Variants in VKORC1L1 observed in about 807,000 individuals in gnomAD.
VKORC1L1 encodes vitamin K epoxide reductase complex subunit 1L1.
VKORC1L1 carries 2 observed loss-of-function variants against 18.9 expected under a neutral mutation model. That is an observed-to-expected ratio of 0.11 (90% CI 0.04 to 0.33). The LOEUF (loss-of-function observed/expected upper bound fraction) is 0.33, where lower values mean the gene tolerates loss of function less well. Among genes scored for constraint, VKORC1L1 ranks in the 10% least tolerant of loss-of-function variants. The pLI is 1.00. For synonymous variants in VKORC1L1, 96 were observed against 100.0 expected, an observed-to-expected ratio of 0.96 and a Z score of 0.24; for missense variants, 123 against 224.1, an observed-to-expected ratio of 0.55 and a Z score of 2.88.
intron 1 of VKORC1L1, among the ~76,000 whole-genome samples, chr7:65,944,988 C>T (rs1790094576): frequency 6.6e-6 from 1 of 151,660 alleles, no homozygotes; most frequent in African/African-American, 2.4e-5. Flanking sequence ...GGGCTGGGTG[C>T]GGTGGCTGAT....
intron 1 of VKORC1L1, among the ~76,000 whole-genome samples, chr7:65,881,433 A>G (rs923817982): frequency 5.3e-5 from 8 of 152,316 alleles, no homozygotes; most frequent in African/African-American, 1.9e-4. Flanking sequence ...ATGTAACATT[A>G]TTGAAATAAC....
chr7:65,883,298 T>C (rs1788958976), intron 1 of VKORC1L1, among the ~76,000 whole-genome samples: 1 of 151,280 alleles, frequency 6.6e-6, no homozygotes, highest in African/African-American at 2.4e-5. Flanking sequence ...TGTGCCACCA[T>C]GCCTGGCTGA....
intron 1 of VKORC1L1, among the ~76,000 whole-genome samples, chr7:65,910,049 A>G (rs1789478102): frequency 6.6e-6 from 1 of 152,068 alleles, no homozygotes; most frequent in South Asian, 2.1e-4. Flanking sequence ...CTGTTGTTAA[A>G]AAGCCTGTTG....
Position 65,958,149 on chromosome 7 carries a change from T to C in VKORC1L1, c.*3849T>C, listed in dbSNP as rs1311426196. 1.3e-5 allele frequency: 2 copies of C among 152,226 alleles called. No individual in the cohort carries two copies. The highest frequency in any genetic ancestry group is 1.9e-4 in the East Asian group (1 of 5,194). 9.4% of individuals were successfully genotyped at this position (152,226 alleles called of 1,614,324 possible). A position where few individuals can be genotyped will look rare whatever the true frequency, so the allele number is the denominator to read the frequency against. ...CTCAGGCAGCACTTATGGTTTCTAA[T>C]TGTGAGAACTACCCTTCCATCAAAC... On this transcript the variant is annotated 3_prime_UTR_variant, in exon 3 of 3. Transcript: ENST00000360768.
At chr7:65,900,944 G>A (rs1359766927) in intron 1 of VKORC1L1, among the ~76,000 whole-genome samples, 1 of 152,192 alleles carries the variant, frequency 6.6e-6, no homozygotes, top group Non-Finnish European at 1.5e-5. Flanking sequence ...TGCAAAAGAG[G>A]TTATGAATGA....
At chr7:65,911,816 G>A (rs1466354566) in intron 1 of VKORC1L1, among the ~76,000 whole-genome samples, 1 of 152,150 alleles carries the variant, frequency 6.6e-6, no homozygotes, top group Non-Finnish European at 1.5e-5. Flanking sequence ...GACCAGCACT[G>A]GTTTGTGGTT....
chr7:65,894,023 C>T (rs889721812), intron 1 of VKORC1L1, among the ~76,000 whole-genome samples: 7 of 151,754 alleles, frequency 4.6e-5, no homozygotes, highest in East Asian at 1.9e-4. Context: ...GGTGCGATCT[C>T]GGCTCACTGC....
At chr7:65,945,595 CG>C (rs1354786254) in intron 1 of VKORC1L1, among the ~76,000 whole-genome samples, 1 of 150,620 alleles carries the variant, frequency 6.6e-6, no homozygotes, top group African/African-American at 2.5e-5. Flanking sequence ...CTGGGCGACA[CG>C]AATGAGACTC....
intron 1 of VKORC1L1, among the ~76,000 whole-genome samples, chr7:65,940,591 G>A (rs1220383083): frequency 6.6e-6 from 1 of 152,144 alleles, no homozygotes; most frequent in African/African-American, 2.4e-5. Flanking sequence ...TAGCCAGCCT[G>A]ACATGTCATC....
intron 1 of VKORC1L1, among the ~76,000 whole-genome samples, chr7:65,894,714 C>T (rs1475591149): frequency 2.6e-5 from 4 of 151,748 alleles, no homozygotes; most frequent in Admixed American, 1.3e-4. Context: ...GGCGACAGAG[C>T]GAGACTCCGT....
At chr7:65,892,269 G>A (rs747458178) in intron 1 of VKORC1L1, among the ~76,000 whole-genome samples, 24 of 151,810 alleles carry the variant, frequency 1.6e-4, no homozygotes, top group Admixed American at 1.3e-4. Context: ...AAATCTCTTC[G>A]ATACACCAAT....
At chr7:65,938,635 C>T (rs1789985563) in intron 1 of VKORC1L1, among the ~76,000 whole-genome samples, 1 of 152,206 alleles carries the variant, frequency 6.6e-6, no homozygotes, top group African/African-American at 2.4e-5. Context: ...TTTTCAAGAA[C>T]CACCTCTGAA....
In VKORC1L1 at chr7:65,888,027, A is replaced by G. The variant is rs1221056938; in HGVS notation, c.194+14462A>G. Among the ~76,000 whole-genome samples, 6 of 152,182 alleles carry G rather than the reference A, an allele frequency of 3.9e-5. No homozygotes were observed. The South Asian group carries it at 1.2e-3, about 31-fold the overall frequency. ...GCCATTAAGGAACACATTAATTACTATTTATTCTTTCTCGTTGAATCTGTG... is the reference window on the plus strand; with the variant it reads ...GCCATTAAGGAACACATTAATTACTGTTTATTCTTTCTCGTTGAATCTGTG... On this transcript the variant is annotated intron_variant, in intron 1 of 2. Coordinates refer to ENST00000360768, the MANE Select transcript of VKORC1L1 (RefSeq NM_173517.6).
At chr7:65,905,955 A>T (rs965433035) in intron 1 of VKORC1L1, among the ~76,000 whole-genome samples, 1 of 152,102 alleles carries the variant, frequency 6.6e-6, no homozygotes, top group Non-Finnish European at 1.5e-5. Flanking sequence ...CATAAAACGT[A>T]TACATTTATT....
intron 1 of VKORC1L1, among the ~76,000 whole-genome samples, chr7:65,931,236 G>T (rs927543204): frequency 1.3e-5 from 2 of 151,812 alleles, no homozygotes; most frequent in African/African-American, 4.8e-5. Context: ...TGATGTCAGG[G>T]TAAAGCTAGC....
At chr7:65,917,198 C>G (rs1030269237) in intron 1 of VKORC1L1, among the ~76,000 whole-genome samples, 5 of 152,094 alleles carry the variant, frequency 3.3e-5, no homozygotes, top group Non-Finnish European at 7.4e-5. Flanking sequence ...CATTCCTAAT[C>G]CAATTGGTGA....
At chr7:65,918,998 G>C (rs1168941578) in intron 1 of VKORC1L1, among the ~76,000 whole-genome samples, 2 of 152,198 alleles carry the variant, frequency 1.3e-5, no homozygotes, top group Non-Finnish European at 2.9e-5. Context: ...CGGAGGCTGA[G>C]GCACAAGAAT....
intron 1 of VKORC1L1, among the ~76,000 whole-genome samples, chr7:65,912,162 C>T (rs750601126): frequency 2.0e-5 from 3 of 152,150 alleles, no homozygotes; most frequent in Admixed American, 1.3e-4. Flanking sequence ...TATATTTCAT[C>T]GTATTGCACT....
intron 1 of VKORC1L1, among the ~76,000 whole-genome samples, chr7:65,905,384 C>T (rs1789390307): frequency 6.6e-6 from 1 of 151,970 alleles, no homozygotes; most frequent in Non-Finnish European, 1.5e-5. Context: ...GATCTCAGCT[C>T]ACTACAACCT....
Sources: allele counts gnomAD v4.1 joint callset (sites outside exome capture counted in the v4.1 genomes callset), GRCh38; gene constraint gnomAD v4.1.1; transcripts MANE v1.5; gene names NCBI Gene and HGNC (gene_info 2026-07-23, HGNC 2026-07-21).